Variants in ACVR2A observed in about 807,000 individuals in gnomAD.
ACVR2A encodes the protein activin receptor type-2A.
ACVR2A carries 7 observed loss-of-function variants against 61.4 expected under a neutral mutation model. The ratio of observed to expected loss-of-function variants is 0.11; its 90% CI spans 0.06 to 0.21. The LOEUF (loss-of-function observed/expected upper bound fraction) is 0.21, where lower values mean the gene tolerates loss of function less well. ACVR2A is among the 10% of genes least tolerant of loss of function. The pLI is 1.00. For missense variants in ACVR2A, 322 were observed against 621.7 expected (o/e 0.52, Z 5.13); for synonymous variants, 193 against 208.3 (o/e 0.93, Z 0.63).
intron 4 of ACVR2A, among the ~76,000 whole-genome samples, chr2:147,904,489 G>A (rs1686940587): frequency 6.6e-6 from 1 of 151,838 alleles, no homozygotes; most frequent in Non-Finnish European, 1.5e-5. Flanking sequence ...ACTTTTAAAG[G>A]CTATATAAGT....
chr2:147,902,163 A>G (rs1193935221), intron 4 of ACVR2A, among the ~76,000 whole-genome samples: 2 of 151,850 alleles, frequency 1.3e-5, no homozygotes, highest in Non-Finnish European at 2.9e-5. Context: ...TTGGGACCAC[A>G]CTCCTGAAAG....
chr2:147,875,681 A>G (rs530974063), intron 1 of ACVR2A, among the ~76,000 whole-genome samples: 84 of 152,174 alleles, frequency 5.5e-4, no homozygotes, highest in African/African-American at 1.9e-3. Context: ...CTGTCTACAT[A>G]AAATAAATTA....
chr2:147,920,169 A>G (rs772080958), intron 7 of ACVR2A, 61 bp from the exon 8 acceptor site: 25 of 1,145,058 alleles, frequency 2.2e-5, no homozygotes, highest in Admixed American at 1.9e-4. Flanking sequence ...TCTGCTTTCA[A>G]TAAAAAATTT....
chr2:147,921,498 G>A (rs935277189), intron 8 of ACVR2A, among the ~76,000 whole-genome samples: 58 of 152,000 alleles, frequency 3.8e-4, no homozygotes, highest in South Asian at 2.1e-4. Flanking sequence ...ATATCCTATT[G>A]GTTCCTGAGG....
At chr2:147,867,500 C>T (rs1685892274) in intron 1 of ACVR2A, among the ~76,000 whole-genome samples, 1 of 152,068 alleles carries the variant, frequency 6.6e-6, no homozygotes, top group East Asian at 1.9e-4. Flanking sequence ...TCTATACCTG[C>T]TTCCTTTCCA....
At chr2:147,909,304 C>T (rs1027152102) in intron 4 of ACVR2A, among the ~76,000 whole-genome samples, 4 of 152,152 alleles carry the variant, frequency 2.6e-5, no homozygotes, top group Non-Finnish European at 5.9e-5. Flanking sequence ...GTCCTTCTGT[C>T]CTGCACTGCT....
At chr2:147,906,848 A>C (rs1686998993) in intron 4 of ACVR2A, among the ~76,000 whole-genome samples, 1 of 141,820 alleles carries the variant, frequency 7.1e-6, no homozygotes, top group Non-Finnish European at 1.5e-5. Context: ...TTAACTTTAA[A>C]TTCTGGGATA....
chr2:147,907,302 C>T (rs1008806127), intron 4 of ACVR2A, among the ~76,000 whole-genome samples: 23 of 152,098 alleles, frequency 1.5e-4, no homozygotes, highest in African/African-American at 3.1e-4. Context: ...AGTAAATATA[C>T]GTGTGCATGT....
At chr2:147,879,355 A>G (rs1686238684) in intron 1 of ACVR2A, among the ~76,000 whole-genome samples, 1 of 152,190 alleles carries the variant, frequency 6.6e-6, no homozygotes. Context: ...GCCCACTCCT[A>G]AAAGCCCTTT....
intron 1 of ACVR2A, among the ~76,000 whole-genome samples, chr2:147,859,618 T>C (rs1354926507): frequency 6.6e-6 from 1 of 152,108 alleles, no homozygotes; most frequent in African/African-American, 2.4e-5. Context: ...AAATGTGCTA[T>C]GTGGTCAGAA....
In ACVR2A at chr2:147,918,604, T is replaced by G; in HGVS notation, c.962+12T>G. The G allele has an allele frequency of 6.3e-7, 1 of 1,587,942 alleles. No individual in the cohort carries two copies. The highest frequency in any genetic ancestry group is 8.5e-7 in the Non-Finnish European group (1 of 1,170,450). On this transcript the variant is annotated intron_variant, in intron 7 of 10. Coordinates refer to ENST00000241416, the MANE Select transcript of ACVR2A (RefSeq NM_001616.5). ...GCCATATCTCACAGGTAGACTAAAT[T>G]TATATTGTTTTCCCAGATAATTGAG...
chr2:147,868,113 G>A (rs1053650392), intron 1 of ACVR2A, among the ~76,000 whole-genome samples: 21 of 152,136 alleles, frequency 1.4e-4, no homozygotes, highest in African/African-American at 5.1e-4. Flanking sequence ...TATTCTCCGT[G>A]AGTGGCTCAA....
At chr2:147,875,563 C>T (rs1194641551) in intron 1 of ACVR2A, among the ~76,000 whole-genome samples, 1 of 151,998 alleles carries the variant, frequency 6.6e-6, no homozygotes. Flanking sequence ...TTCAGTGAGT[C>T]TGGAATAGGC....
At chr2:147,892,663 C>G (rs1330517829) in intron 1 of ACVR2A, among the ~76,000 whole-genome samples, 2 of 151,406 alleles carry the variant, frequency 1.3e-5, no homozygotes, top group Non-Finnish European at 2.9e-5. Context: ...AAATTACAGT[C>G]TCTTAATGAT....
intron 2 of ACVR2A, chr2:147,898,428 T>A (rs1004592372): frequency 1.3e-5 from 2 of 152,148 alleles, no homozygotes; most frequent in African/African-American, 2.4e-5. Context: ...ATTTATATAT[T>A]TCTCTTTATA....
chr2:147,915,141 G>A (rs1043919259), intron 4 of ACVR2A, 50 bp from the exon 5 acceptor site: 3 of 1,570,752 alleles, frequency 1.9e-6, no homozygotes, highest in African/African-American at 1.4e-5. Flanking sequence ...TTCAGAGTTG[G>A]TGTGTGTCAT....
chr2:147,907,905 G>T (rs1003347350), intron 4 of ACVR2A, among the ~76,000 whole-genome samples: 1 of 151,918 alleles, frequency 6.6e-6, no homozygotes, highest in Non-Finnish European at 1.5e-5. Flanking sequence ...CAGGCATGGT[G>T]GTGCACACCT....
chr2:147,846,852 G>T (rs1008718062), intron 1 of ACVR2A, among the ~76,000 whole-genome samples: 2 of 151,984 alleles, frequency 1.3e-5, no homozygotes, highest in Non-Finnish European at 2.9e-5. Context: ...CTGATCTCTT[G>T]CCCTTGAGGA....
rs1687272165 is a variant in ACVR2A, at chr2:147,917,433, C to T, written c.816+7C>T. On this transcript the variant is annotated splice_region_variant and intron_variant, in intron 6 of 10. Coordinates refer to ENST00000241416, the MANE Select transcript of ACVR2A (RefSeq NM_001616.5). ...CACAGCATTTCATGAAAAGGTAAAACTACTTAACGTTTTACTTTAGTAAAG... is the reference window on the plus strand; with the variant it reads ...CACAGCATTTCATGAAAAGGTAAAATTACTTAACGTTTTACTTTAGTAAAG... The T allele has an allele frequency of 6.2e-7, 1 of 1,610,612 alleles. No homozygotes were observed. Among genetic ancestry groups the T allele is most frequent in the Admixed American group, 1.7e-5 (1 of 59,668 alleles).
Sources: gnomAD v4.1 joint callset for allele counts (sites outside exome capture counted in the v4.1 genomes callset) on GRCh38, gnomAD v4.1.1 for gene constraint, MANE v1.5 for transcripts, NCBI Gene and HGNC (gene_info 2026-07-23, HGNC 2026-07-21) for gene names.